Variants in PCLO observed in about 807,000 individuals in gnomAD.
The protein encoded by PCLO is piccolo presynaptic cytomatrix protein, also known as protein piccolo.
Under a neutral mutation model 427.5 loss-of-function variants are expected in PCLO, and 82 were observed. The observed-to-expected ratio is 0.19, with a 90% CI of 0.16 to 0.23. PCLO has a LOEUF of 0.23. PCLO is among the 10% of genes least tolerant of loss of function. The pLI is 1.00. For synonymous variants in PCLO, 2,357 were observed against 2,155.4 expected (o/e 1.09, Z -2.59); for missense variants, 6,239 against 6,115.9 (o/e 1.02, Z -0.67).
intron 3 of PCLO, among the ~76,000 whole-genome samples, chr7:83,132,176 G>A (rs1459844175): frequency 6.6e-6 from 1 of 152,066 alleles, no homozygotes; most frequent in African/African-American, 2.4e-5. Flanking sequence ...TATACTAACT[G>A]AAAACTTCAT....
rs1305853406 is a variant in PCLO, at chr7:82,845,470, G to A, written c.13847C>T (p.Ser4616Phe). 5.0e-6 allele frequency: 8 copies of A among 1,611,466 alleles called. No individual in the cohort carries two copies. Among genetic ancestry groups the A allele is most frequent in the Non-Finnish European group, 6.8e-6 (8 of 1,178,416 alleles). The change falls in exon 13 of 25, where the codon TCC becomes TTC. Residue 4616 changes from serine (S) to phenylalanine (F), a missense_variant. Ser to Phe is a radical substitution (Grantham distance 155). Coordinates refer to ENST00000333891, the MANE Select transcript of PCLO (RefSeq NM_033026.6). The stretch of plus-strand genomic sequence containing the variant: ...CAACTGCTTAGGATCAACCCCTGGG[G>A]ATTTCGCCTTATCCACTACAACAAA... ...EPPKAVDKAKSPGVDPKQLAA... is the reference protein window; with the variant it reads ...EPPKAVDKAKFPGVDPKQLAA...
At chr7:83,147,784 A>G (rs1463553733) in intron 2 of PCLO, among the ~76,000 whole-genome samples, 1 of 152,230 alleles carries the variant, frequency 6.6e-6, no homozygotes, top group East Asian at 1.9e-4. Context: ...AAAATAGTGC[A>G]TAAATGTATG....
At chr7:82,991,625 T>C (rs867389996) in intron 3 of PCLO, among the ~76,000 whole-genome samples, 2 of 152,152 alleles carry the variant, frequency 1.3e-5, no homozygotes, top group Non-Finnish European at 1.5e-5. Context: ...TATATGTAAA[T>C]TCTAAACACT....
At chr7:82,803,673 T>C (rs1036899691) in intron 21 of PCLO, among the ~76,000 whole-genome samples, 7 of 151,834 alleles carry the variant, frequency 4.6e-5, no homozygotes, top group African/African-American at 1.7e-4. Flanking sequence ...ATTCTGGCTA[T>C]ACATTTTATA....
At chr7:83,053,804 A>G (rs1789311879) in intron 3 of PCLO, among the ~76,000 whole-genome samples, 1 of 151,992 alleles carries the variant, frequency 6.6e-6, no homozygotes, top group Non-Finnish European at 1.5e-5. Flanking sequence ...AACTGAAAAT[A>G]GAGTCCATTT....
intron 10 of PCLO, chr7:82,867,998 T>C (rs1388022351): frequency 5.4e-6 from 2 of 370,716 alleles, no homozygotes; most frequent in Non-Finnish European, 5.3e-6. Context: ...TTCCTAAATA[T>C]ATATTAGAAA....
intron 3 of PCLO, among the ~76,000 whole-genome samples, chr7:83,029,347 A>C (rs1452416696): frequency 6.6e-6 from 1 of 151,924 alleles, no homozygotes; most frequent in African/African-American, 2.4e-5. Context: ...GCAGCAAAAA[A>C]ACACATGAAA....
intron 13 of PCLO, among the ~76,000 whole-genome samples, chr7:82,842,964 T>A (rs933890966): frequency 1.3e-5 from 2 of 152,082 alleles, no homozygotes; most frequent in African/African-American, 4.8e-5. Flanking sequence ...GGAATGTAAA[T>A]TGATATATCC....
chr7:83,065,048 T>C (rs1789632973), intron 3 of PCLO, among the ~76,000 whole-genome samples: 1 of 71,244 alleles, frequency 1.4e-5, no homozygotes, highest in South Asian at 4.8e-4. Flanking sequence ...TTTGCAAAGC[T>C]TGGGTTCCAA....
rs78180800 is a variant in PCLO at position 82,997,176 on chromosome 7, G to A, written c.3301-30689C>T. On this transcript the variant is annotated intron_variant, in intron 3 of 24. Coordinates refer to ENST00000333891, the MANE Select transcript of PCLO (RefSeq NM_033026.6). ...AACAGACTCTTATCCCTGAAGACTA[G>A]ATCAGGGAATAAGAGTACACCAGCT... 9.9e-3 allele frequency among the ~76,000 whole-genome samples: 1,504 copies of A among 151,990 alleles called. 36 individuals carry two copies. Among genetic ancestry groups the A allele is most frequent in the African/African-American group, 0.032 (1,334 of 41,506 alleles).
intron 3 of PCLO, among the ~76,000 whole-genome samples, chr7:82,969,363 G>C (rs920282336): frequency 6.6e-6 from 1 of 152,120 alleles, no homozygotes; most frequent in African/African-American, 2.4e-5. Context: ...AGGCAATAGT[G>C]TAAATCTGAG....
intron 4 of PCLO, among the ~76,000 whole-genome samples, chr7:82,962,088 T>C (rs1390880177): frequency 1.3e-5 from 2 of 152,210 alleles, no homozygotes; most frequent in Non-Finnish European, 2.9e-5. Flanking sequence ...ATGCTTGACA[T>C]TATCAGGAAA....
chr7:83,062,417 C>T (rs1029681967), intron 3 of PCLO, among the ~76,000 whole-genome samples: 2 of 152,128 alleles, frequency 1.3e-5, no homozygotes, highest in Non-Finnish European at 2.9e-5. Context: ...TGAATCTGAA[C>T]AAGAATTCTT....
At chr7:83,005,736 T>C (rs970860015) in intron 3 of PCLO, among the ~76,000 whole-genome samples, 1 of 151,634 alleles carries the variant, frequency 6.6e-6, no homozygotes, top group Non-Finnish European at 1.5e-5. Flanking sequence ...TACTTTTTAT[T>C]TGTTAATTAT....
chr7:82,934,414 TA>T lies in PCLO; in HGVS notation c.11112+15061del, dbSNP rs567409618. ...CTAAATATTTATTTGTGTAGTTTAGTAATCAAACTGCCATGATGACAACTGT... is the reference window on the plus strand; with the variant it reads ...CTAAATATTTATTTGTGTAGTTTAGTATCAAACTGCCATGATGACAACTGT... On this transcript the variant is annotated intron_variant, in intron 6 of 24. Transcript: ENST00000333891. 7.9e-5 allele frequency among the ~76,000 whole-genome samples: 12 copies of T among 152,060 alleles called. No homozygotes were observed. The South Asian group carries it at 2.5e-3, about 32-fold the overall frequency.
At chr7:82,867,618 A>G (rs1290728523) in intron 10 of PCLO, among the ~76,000 whole-genome samples, 1 of 152,208 alleles carries the variant, frequency 6.6e-6, no homozygotes, top group Non-Finnish European at 1.5e-5. Flanking sequence ...TGGTTAGACA[A>G]ATCCGGAAAT....
Position 82,966,440 on chromosome 7 carries a change from T to C in PCLO, c.3348A>G (p.Ser1116=). 2 of 1,601,482 alleles carry C rather than the reference T, an allele frequency of 1.2e-6. No homozygotes were observed. Among genetic ancestry groups the C allele is most frequent in the Non-Finnish European group, 8.5e-7 (1 of 1,176,410 alleles). The change falls in exon 4 of 25, where the codon TCA becomes TCG. Residue 1116 remains serine (S), a synonymous_variant. Transcript: ENST00000333891. ...TTTTGCGTATGTCTCCAAGCTGTCCTGATATTGCTCTCTGGGTTTGGCAAT... is the reference window on the plus strand; with the variant it reads ...TTTTGCGTATGTCTCCAAGCTGTCCCGATATTGCTCTCTGGGTTTGGCAAT... The part of the protein sequence containing the change: ...CLNCQTQRAI[S]GQLGDIRKMP...
chr7:82,840,913 C>T (rs1410734319), intron 14 of PCLO, among the ~76,000 whole-genome samples: 1 of 151,486 alleles, frequency 6.6e-6, no homozygotes, highest in Non-Finnish European at 1.5e-5. Flanking sequence ...ATATAAATAT[C>T]AAAACACAGA....
intron 3 of PCLO, among the ~76,000 whole-genome samples, chr7:82,991,878 T>C (rs1020729513): frequency 2.0e-5 from 3 of 152,130 alleles, no homozygotes; most frequent in African/African-American, 7.2e-5. Flanking sequence ...TTCTTATATA[T>C]TCCTATAGGT....
Sources: gnomAD v4.1 joint callset for allele counts (sites outside exome capture counted in the v4.1 genomes callset) on GRCh38, gnomAD v4.1.1 for gene constraint, MANE v1.5 for transcripts, NCBI Gene and HGNC (gene_info 2026-07-23, HGNC 2026-07-21) for gene names.